The following PLEKHH2 variants were observed in gnomAD, a reference collection of about 807,000 sequenced individuals.
PLEKHH2 encodes the protein pleckstrin homology, MyTH4 and FERM domain containing H2.
PLEKHH2 carries 129 observed loss-of-function variants against 187.9 expected under a neutral mutation model. The ratio of observed to expected loss-of-function variants is 0.69; its 90% CI spans 0.59 to 0.79. The LOEUF (loss-of-function observed/expected upper bound fraction) is 0.79, where lower values mean the gene tolerates loss of function less well. Ranked by LOEUF, PLEKHH2 falls within the 30% of genes least tolerant of loss-of-function variation. The probability of loss-of-function intolerance (pLI) is 0.00; values close to 1 mark genes in which losing one functional copy is unlikely to be tolerated. For synonymous variants in PLEKHH2, 686 were observed against 605.6 expected, an observed-to-expected ratio of 1.13 and a Z score of -1.95; for missense variants, 2,076 against 1,751.2, an observed-to-expected ratio of 1.19 and a Z score of -3.31.
chr2:43,704,662 T>TTAA (rs1321301658), intron 9 of PLEKHH2, among the ~76,000 whole-genome samples: 1 of 84,292 alleles, frequency 1.2e-5, no homozygotes, highest in African/African-American at 4.6e-5. Flanking sequence ...GATTCTGTCT[T>TTAA]AAAAAAAAAA....
At chr2:43,695,335 C>A in intron 6 of PLEKHH2, 111 bp downstream of exon 6, 2 of 515,946 alleles carry the variant, frequency 3.9e-6, no homozygotes, top group Non-Finnish European at 3.2e-6. Context: ...GAAGCTGTTG[C>A]CATAAAATGA....
In PLEKHH2 at chr2:43,737,527, T is replaced by C. The variant is rs1009525569; in HGVS notation, c.2944-814T>C. 3.3e-5 allele frequency among the ~76,000 whole-genome samples: 5 copies of C among 152,144 alleles called. No individual in the cohort carries two copies. The East Asian group carries it at 9.6e-4, about 29-fold the overall frequency. On this transcript the variant is annotated intron_variant, in intron 19 of 29. Transcript: ENST00000282406. ...TTAGCTGGGTGGTTCTGACTCATAG[T>C]CTCCTGGCGGTACCATCAAGCTGTC...
rs1336207999 is a variant in PLEKHH2, at chr2:43,660,344, C to T, written c.123+15548C>T. On this transcript the variant is annotated intron_variant, in intron 2 of 29. Transcript: ENST00000282406. ...TACGAATACAGCTGCTGTAAACATT[C>T]ACATACAGGTGTTTGGATGTATATG... Among the ~76,000 whole-genome samples the T allele has an allele frequency of 2.6e-5, 4 of 151,412 alleles. No individual in the cohort carries two copies. In the East Asian group the frequency reaches 7.8e-4, roughly 29 times the overall value.
chr2:43,650,631 C>T lies in PLEKHH2; in HGVS notation c.123+5835C>T, dbSNP rs1198639356. ...TAATCACTCAAAAGCAAAGCATTAC[C>T]TTTCTTCTTTTCTTTTTTCTTTTTT... is the stretch of plus-strand genomic sequence containing the variant. On this transcript the variant is annotated intron_variant, in intron 2 of 29. Transcript: ENST00000282406. Among the ~76,000 whole-genome samples the T allele has an allele frequency of 2.0e-5, 3 of 151,198 alleles. No homozygotes were observed. In the East Asian group the frequency reaches 5.8e-4, roughly 29 times the overall value.
At chr2:43,746,969 C>CA (rs571694640) in intron 24 of PLEKHH2, among the ~76,000 whole-genome samples, 2,470 of 136,780 alleles carry the variant, frequency 0.018, 21 homozygotes, top group African/African-American at 0.03. Flanking sequence ...GACTCTGTCT[C>CA]AAAAAAAAAA....
At chr2:43,747,427 G>T (rs1671828707) in intron 24 of PLEKHH2, among the ~76,000 whole-genome samples, 1 of 152,174 alleles carries the variant, frequency 6.6e-6, no homozygotes, top group Non-Finnish European at 1.5e-5. Flanking sequence ...GGAGATGGAA[G>T]TGGGAACATC....
intron 24 of PLEKHH2, among the ~76,000 whole-genome samples, chr2:43,751,542 C>T (rs1017941280): frequency 3.9e-5 from 6 of 152,194 alleles, no homozygotes; most frequent in Admixed American, 1.3e-4. Flanking sequence ...AGTATATTTG[C>T]GTAGTGGTAC....
intron 6 of PLEKHH2, among the ~76,000 whole-genome samples, chr2:43,696,927 A>T (rs1669121066): frequency 6.6e-6 from 1 of 152,216 alleles, no homozygotes; most frequent in Admixed American, 6.5e-5. Context: ...TAAAGGGATT[A>T]GATATTTTTC....
rs114897954 is a variant in PLEKHH2 at position 43,651,856 on chromosome 2, A to C, written c.123+7060A>C. On this transcript the variant is annotated intron_variant, in intron 2 of 29. Transcript: ENST00000282406. ...CACTAATTTGAATTTTTAAAAAGTTATCTTCTGTTCCCTGAATTATCTTTC... is the reference window on the plus strand; with the variant it reads ...CACTAATTTGAATTTTTAAAAAGTTCTCTTCTGTTCCCTGAATTATCTTTC... 9.9e-3 allele frequency among the ~76,000 whole-genome samples: 1,506 copies of C among 152,324 alleles called. 26 individuals carry two copies. The highest frequency in any genetic ancestry group is 0.032 in the African/African-American group (1,341 of 41,590).
At chr2:43,748,026 A>G (rs1671849036) in intron 24 of PLEKHH2, among the ~76,000 whole-genome samples, 1 of 152,166 alleles carries the variant, frequency 6.6e-6, no homozygotes, top group South Asian at 2.1e-4. Context: ...TGGGACAGAC[A>G]CTCACATGTT....
At chr2:43,709,663 C>G (rs924743782) in intron 11 of PLEKHH2, among the ~76,000 whole-genome samples, 1 of 152,140 alleles carries the variant, frequency 6.6e-6, no homozygotes. Flanking sequence ...TGATGAAACC[C>G]CATCTCTACT....
chr2:43,676,594 T>C (rs974510741), intron 2 of PLEKHH2, among the ~76,000 whole-genome samples: 2 of 151,616 alleles, frequency 1.3e-5, no homozygotes, highest in African/African-American at 4.8e-5. Context: ...TGAGCAGAGA[T>C]GAGTCACAGA....
At chr2:43,744,352 C>G (rs1377391672) in intron 23 of PLEKHH2, among the ~76,000 whole-genome samples, 2 of 152,136 alleles carry the variant, frequency 1.3e-5, no homozygotes, top group African/African-American at 4.8e-5. Flanking sequence ...CAGGGGCTGG[C>G]TGGACTCTGT....
rs1672632585 is a variant in PLEKHH2, at chr2:43,766,650, G to C, written c.*1052G>C. The stretch of plus-strand genomic sequence containing the variant: ...GGTCTCACTCTGGTTGCCCAGGCTG[G>C]AGTGCAGTGGTGCCATCATAGCTCA... On this transcript the variant is annotated 3_prime_UTR_variant, in exon 30 of 30. Transcript: ENST00000282406. 2.0e-5 allele frequency: 3 copies of C among 152,284 alleles called. No homozygotes were observed. Among genetic ancestry groups the C allele is most frequent in the Admixed American group, 1.3e-4 (2 of 15,258 alleles). The allele number at this position is 152,284 out of a possible 1,614,324, so 9.4% of individuals were successfully genotyped here.
chr2:43,649,619 C>G (rs1666369587), intron 2 of PLEKHH2, among the ~76,000 whole-genome samples: 1 of 152,222 alleles, frequency 6.6e-6, no homozygotes, highest in African/African-American at 2.4e-5. Context: ...CCCTCAGTTA[C>G]TCTACTGGCT....
At chr2:43,687,591 T>G (rs1407302449) in intron 3 of PLEKHH2, among the ~76,000 whole-genome samples, 1 of 152,222 alleles carries the variant, frequency 6.6e-6, no homozygotes, top group Non-Finnish European at 1.5e-5. Flanking sequence ...CTGAACTAAT[T>G]TACATTCCCA....
chr2:43,685,467 A>T (rs550457080), intron 3 of PLEKHH2, among the ~76,000 whole-genome samples: 3 of 152,164 alleles, frequency 2.0e-5, no homozygotes, highest in African/African-American at 7.2e-5. Context: ...TTGCTCTGTC[A>T]TCCAGGCTGG....
At position 43,692,588 on chromosome 2, in the gene PLEKHH2, G is replaced by C; in HGVS notation, c.261G>C (p.Lys87Asn). ...TSESETRLYN[K>N]CQDLESLIQE... The stretch of plus-strand genomic sequence containing the variant: ...AATCAGAGACAAGATTATATAATAA[G>C]TGTCAAGATCTGGAGTCGCTAATAC... The change falls in exon 4 of 30, where the codon AAG becomes AAC. Residue 87 changes from lysine (K) to asparagine (N), a missense_variant. Physicochemically the swap from Lys to Asn is moderately conservative, Grantham distance 94. Coordinates refer to ENST00000282406, the MANE Select transcript of PLEKHH2 (RefSeq NM_172069.4). The C allele has an allele frequency of 1.2e-6, 2 of 1,608,472 alleles. No homozygotes were observed. The highest frequency in any genetic ancestry group is 1.1e-5 in the South Asian group (1 of 90,770).
chr2:43,748,350 C>A (rs1463193462), intron 24 of PLEKHH2, among the ~76,000 whole-genome samples: 1 of 152,192 alleles, frequency 6.6e-6, no homozygotes, highest in East Asian at 1.9e-4. Flanking sequence ...GGACCTGTTT[C>A]CCTTGAGGGC....
Sources: allele counts gnomAD v4.1 joint callset (sites outside exome capture counted in the v4.1 genomes callset), GRCh38; gene constraint gnomAD v4.1.1; transcripts MANE v1.5; gene names NCBI Gene and HGNC (gene_info 2026-07-23, HGNC 2026-07-21).